Variants in SUGCT observed in about 807,000 individuals in gnomAD.
SUGCT encodes succinyl-CoA:glutarate CoA-transferase.
SUGCT carries 41 observed loss-of-function variants against 55.0 expected under a neutral mutation model. The observed-to-expected ratio is 0.74, with a 90% CI of 0.58 to 0.97. The LOEUF (loss-of-function observed/expected upper bound fraction) is 0.97. Among genes scored for constraint, SUGCT ranks in the 50% least tolerant of loss-of-function variants. SUGCT has a pLI of 0.00. For synonymous variants in SUGCT, 187 were observed against 200.4 expected (o/e 0.93, Z 0.56); for missense variants, 568 against 547.8 (o/e 1.04, Z -0.37).
chr7:40,517,024 TAGTA>T (rs1240255311), intron 12 of SUGCT, among the ~76,000 whole-genome samples: 32 of 152,216 alleles, frequency 2.1e-4, no homozygotes, highest in African/African-American at 5.3e-4. Flanking sequence ...TTGCAATTTT[TAGTA>T]AGTAAGTCTT....
the SUGCT span, among the ~76,000 whole-genome samples, chr7:40,888,207 T>A: frequency 1.1e-4 from 17 of 152,154 alleles, no homozygotes; most frequent in South Asian, 2.1e-4. Context: ...CTCCTAAATC[T>A]ATGTCACTTC....
At chr7:40,907,099 G>A in the SUGCT span, among the ~76,000 whole-genome samples, 1 of 88,940 alleles carries the variant, frequency 1.1e-5, no homozygotes, top group East Asian at 4.2e-4. Context: ...TTCTGATAGT[G>A]TGTGTGTGTG....
intron 13 of SUGCT, among the ~76,000 whole-genome samples, chr7:40,856,248 T>C (rs973575394): frequency 1.3e-5 from 2 of 152,240 alleles, no homozygotes; most frequent in African/African-American, 4.8e-5. Context: ...TTCCATTCTT[T>C]TCATTCATAT....
chr7:40,786,064 A>C, intron 13 of SUGCT, among the ~76,000 whole-genome samples: 1 of 152,200 alleles, frequency 6.6e-6, no homozygotes, highest in Non-Finnish European at 1.5e-5. Flanking sequence ...GCCCTACTGC[A>C]CTTTAGCCTG....
chr7:40,728,050 T>C (rs551853496), intron 12 of SUGCT, among the ~76,000 whole-genome samples: 1 of 152,326 alleles, frequency 6.6e-6, no homozygotes, highest in Non-Finnish European at 1.5e-5. Context: ...TTTTTCTTTG[T>C]TAAAATTATC....
intron 10 of SUGCT, 49 bp downstream of exon 10, chr7:40,449,407 G>T (rs1021383701): frequency 2.0e-6 from 3 of 1,486,584 alleles, no homozygotes; most frequent in Non-Finnish European, 2.8e-6. Flanking sequence ...CAAAGCCAGG[G>T]AAAGTTCAGT....
At chr7:40,281,831 T>A (rs1046708373) in intron 8 of SUGCT, among the ~76,000 whole-genome samples, 1 of 152,018 alleles carries the variant, frequency 6.6e-6, no homozygotes, top group Non-Finnish European at 1.5e-5. Context: ...TTTTAGATGT[T>A]TTTTTGGAGA....
At chr7:40,617,475 ATGTGTGTG>A (rs34487309) in intron 12 of SUGCT, among the ~76,000 whole-genome samples, 290 of 143,650 alleles carry the variant, frequency 2.0e-3, no homozygotes, top group African/African-American at 6.6e-3. Context: ...TTAGATTTAT[ATGTGTGTG>A]TGTGTGTGTG....
At chr7:40,996,664 T>C in the SUGCT span, among the ~76,000 whole-genome samples, 1 of 152,186 alleles carries the variant, frequency 6.6e-6, no homozygotes, top group East Asian at 1.9e-4. Context: ...CAAAATGAGA[T>C]GCCTTTTGTG....
chr7:41,006,909 A>G, the SUGCT span, among the ~76,000 whole-genome samples: 1 of 152,222 alleles, frequency 6.6e-6, no homozygotes, highest in Non-Finnish European at 1.5e-5. Context: ...AAGAATAACT[A>G]TCTGAAGATT....
intron 12 of SUGCT, among the ~76,000 whole-genome samples, chr7:40,697,115 A>G (rs947494163): frequency 4.6e-5 from 7 of 152,222 alleles, no homozygotes; most frequent in African/African-American, 1.7e-4. Context: ...AAAAGGCTCA[A>G]AAAAGTGTGT....
chr7:40,236,442 C>CAAA (rs60720770), intron 6 of SUGCT, among the ~76,000 whole-genome samples: 2 of 90,046 alleles, frequency 2.2e-5, no homozygotes, highest in Non-Finnish European at 2.1e-5. Context: ...TTTCTGATGG[C>CAAA]AAAAAAAAAA....
chr7:40,924,087 G>C, the SUGCT span, among the ~76,000 whole-genome samples: 4 of 152,132 alleles, frequency 2.6e-5, no homozygotes, highest in Admixed American at 6.5e-5. Context: ...ATAAGGAACT[G>C]GCCCTCACCA....
intron 12 of SUGCT, among the ~76,000 whole-genome samples, chr7:40,574,533 G>C (rs1796619798): frequency 6.6e-6 from 1 of 152,152 alleles, no homozygotes; most frequent in African/African-American, 2.4e-5. Context: ...CCCAGTTCAA[G>C]AGATTCTCTT....
chr7:40,896,163 A>T, the SUGCT span, among the ~76,000 whole-genome samples: 2 of 152,186 alleles, frequency 1.3e-5, no homozygotes, highest in South Asian at 4.1e-4. Context: ...GGTACATTTG[A>T]TATGCAAAAA....
rs187636358 is a variant in SUGCT at position 40,236,243 on chromosome 7, A to G, written c.485-1392A>G. Among the ~76,000 whole-genome samples the G allele has an allele frequency of 4.1e-3, 622 of 151,882 alleles. 4 individuals are homozygous for G. Among genetic ancestry groups the G allele is most frequent in the African/African-American group, 0.014 (570 of 41,406 alleles). On this transcript the variant is annotated intron_variant, in intron 6 of 13. Transcript: ENST00000335693. The stretch of plus-strand genomic sequence containing the variant: ...CAGCTAATTTTTGTGTTTTTAGTAG[A>G]GACGGGGTTTCACTGTGTTGGCCAG...
chr7:40,710,661 A>G (rs542224394), intron 12 of SUGCT, among the ~76,000 whole-genome samples: 33 of 152,330 alleles, frequency 2.2e-4, no homozygotes, highest in African/African-American at 7.5e-4. Context: ...AATCACATTA[A>G]TAACTAGTCT....
At chr7:40,445,340 C>T (rs1023162068) in intron 9 of SUGCT, among the ~76,000 whole-genome samples, 3 of 152,082 alleles carry the variant, frequency 2.0e-5, no homozygotes, top group South Asian at 2.1e-4. Context: ...CACAGAAATA[C>T]AAACTACCAT....
chr7:40,581,290 A>G (rs931935734), intron 12 of SUGCT, among the ~76,000 whole-genome samples: 1 of 152,216 alleles, frequency 6.6e-6, no homozygotes, highest in Non-Finnish European at 1.5e-5. Context: ...AAATGGTACT[A>G]TGAGACACTG....
Sources: gnomAD v4.1 joint callset for allele counts (sites outside exome capture counted in the v4.1 genomes callset) on GRCh38, gnomAD v4.1.1 for gene constraint, MANE v1.5 for transcripts, NCBI Gene and HGNC (gene_info 2026-07-23, HGNC 2026-07-21) for gene names.